SLC9A7: variants seen among roughly 807,000 people sequenced by gnomAD.
The protein encoded by SLC9A7 is sodium/hydrogen exchanger 7.
Under a neutral mutation model 52.6 loss-of-function variants are expected in SLC9A7, and 19 were observed. That is an observed-to-expected ratio of 0.36 (90% CI 0.25 to 0.53). The LOEUF (loss-of-function observed/expected upper bound fraction) is 0.53. Among genes scored for constraint, SLC9A7 ranks in the 20% least tolerant of loss-of-function variants. The pLI, the probability that SLC9A7 is intolerant of heterozygous loss-of-function variation, is 0.91. For missense variants in SLC9A7, 455 were observed against 597.9 expected (o/e 0.76, Z 2.49); for synonymous variants, 226 against 252.1 (o/e 0.90, Z 0.98).
chrX:46,601,418 A>C lies in SLC9A7; in HGVS notation c.*5534T>G, dbSNP rs1434153645. On this transcript the variant is annotated 3_prime_UTR_variant, in exon 17 of 17. Transcript: ENST00000616978. ...TGATGGGATGACGTCAAACAGACCA[A>C]CAGACCTCTATTTTGGAAGGAACTG... 1 of 112,641 alleles carries C rather than the reference A, an allele frequency of 8.9e-6. No homozygotes were observed. The allele number at this position is 112,641 out of a possible 1,213,427, so 9.3% of individuals were successfully genotyped here.
chrX:46,660,975 T>C (rs1943807012), intron 7 of SLC9A7, among the ~76,000 whole-genome samples: 1 of 109,562 alleles, frequency 9.1e-6, no homozygotes. Context: ...CCAACCCAAA[T>C]GTCCAACAAT....
chrX:46,758,980 G>A lies in SLC9A7; in HGVS notation c.50C>T (p.Ala17Val), dbSNP rs1216394659. Residue 17 changes from alanine (A) to valine (V), a missense_variant, in exon 1 of 17, where the codon GCG (alanine) becomes GTG (valine). By Grantham distance (64) the Ala-to-Val change is moderately conservative (BLOSUM62 0). Around this residue, in one of 3 missense-constraint regions of SLC9A7, gnomAD observed 304 missense variants for 417.8 expected, o/e 0.73. Transcript: ENST00000616978. ...CAGCAGCAGCAGCCGCGGCGGCGGC[G>A]CCCCGGTAGCCCGACCCGAGCCAGG... ...ARPGSGRATGAPPPRLLLLPL... is the reference protein window; with the variant it reads ...ARPGSGRATGVPPPRLLLLPL... 2.0e-6 allele frequency: 2 copies of A among 1,021,405 alleles called. No homozygotes were observed. Among genetic ancestry groups the A allele is most frequent in the African/African-American group, 2.0e-5 (1 of 49,564 alleles). 84.2% of individuals were successfully genotyped at this position (1,021,405 alleles called of 1,213,427 possible). A position where few individuals can be genotyped will look rare whatever the true frequency, so the allele number is the denominator to read the frequency against.
intron 1 of SLC9A7, among the ~76,000 whole-genome samples, chrX:46,699,044 C>T (rs377345796): frequency 6.3e-5 from 7 of 111,878 alleles, no homozygotes; most frequent in African/African-American, 2.3e-4. Context: ...AAATTCAAGC[C>T]CATCAGCCAA....
At chrX:46,647,490 C>T (rs1180774804) in intron 11 of SLC9A7, among the ~76,000 whole-genome samples, 2 of 112,902 alleles carry the variant, frequency 1.8e-5, no homozygotes, top group African/African-American at 6.4e-5. Flanking sequence ...AGCTAAAAGG[C>T]CACTCCCTTT....
intron 1 of SLC9A7, among the ~76,000 whole-genome samples, chrX:46,721,513 C>CT (rs1230179116): frequency 2.4e-3 from 256 of 107,045 alleles, no homozygotes; most frequent in Middle Eastern, 9.7e-3. Context: ...GCAAATGATT[C>CT]TTTTTTTTTT....
chrX:46,605,290 G>C lies in SLC9A7; in HGVS notation c.*1662C>G, dbSNP rs1001198430. On this transcript the variant is annotated 3_prime_UTR_variant, in exon 17 of 17. Coordinates refer to ENST00000616978, the MANE Select transcript of SLC9A7 (RefSeq NM_001257291.2). Reference sequence around the variant, plus strand: ...TTGCCAAAAATAAGCTAGCACTGAAGCACAGAGACATTAAGAGAAACTCAA... The same window carrying C: ...TTGCCAAAAATAAGCTAGCACTGAACCACAGAGACATTAAGAGAAACTCAA... 1.8e-5 allele frequency: 2 copies of C among 111,098 alleles called. No individual in the cohort carries two copies. The highest frequency in any genetic ancestry group is 6.6e-5 in the African/African-American group (2 of 30,495). The allele number at this position is 111,098 out of a possible 1,213,427, so 9.2% of individuals were successfully genotyped here.
chrX:46,614,161 T>C (rs768166329), intron 15 of SLC9A7, among the ~76,000 whole-genome samples: 1 of 111,683 alleles, frequency 9.0e-6, no homozygotes, highest in Admixed American at 9.5e-5. Flanking sequence ...GCCCCTCGAC[T>C]TATGATGCAG....
In SLC9A7 at chrX:46,651,422, C is replaced by CA. The variant is rs760481790; in HGVS notation, c.1148-19dup. 4.9e-4 allele frequency: 545 copies of CA among 1,117,245 alleles called. No individual in the cohort carries two copies. Among genetic ancestry groups the CA allele is most frequent in the Non-Finnish European group, 6.2e-4 (515 of 827,603 alleles). 92.1% of individuals were successfully genotyped at this position (1,117,245 alleles called of 1,213,427 possible). A position where few individuals can be genotyped will look rare whatever the true frequency, so the allele number is the denominator to read the frequency against. On this transcript the variant is annotated intron_variant, in intron 8 of 16. Coordinates refer to ENST00000616978, the MANE Select transcript of SLC9A7 (RefSeq NM_001257291.2). ...TACAACACCTGTTAAAACATCCCCC[C>CA]AAAAAAAATCAATGGAAAAAAAAGA...
chrX:46,620,418 C>T (rs1943026139), intron 15 of SLC9A7, among the ~76,000 whole-genome samples: 1 of 110,409 alleles, frequency 9.1e-6, no homozygotes, highest in African/African-American at 3.3e-5. Flanking sequence ...GACCTCATCT[C>T]AAAAACAAAA....
chrX:46,717,757 A>C (rs12396863), intron 1 of SLC9A7, among the ~76,000 whole-genome samples: 2,178 of 111,309 alleles, frequency 0.02, 50 homozygotes, highest in African/African-American at 0.067. Flanking sequence ...AAGACCTCTT[A>C]AAGGAGAACT....
intron 12 of SLC9A7, among the ~76,000 whole-genome samples, chrX:46,639,888 C>T (rs371713700): frequency 7.8e-4 from 85 of 109,283 alleles, no homozygotes; most frequent in African/African-American, 2.6e-3. Flanking sequence ...ACTAACAAAA[C>T]ATGTACAGGA....
intron 1 of SLC9A7, among the ~76,000 whole-genome samples, chrX:46,712,517 A>G (rs924824773): frequency 9.0e-6 from 1 of 111,553 alleles, no homozygotes; most frequent in African/African-American, 3.3e-5. Flanking sequence ...AACACCTCCA[A>G]CCAGGCCCAC....
rs757430988 is a variant in SLC9A7 at position 46,720,138 on chromosome X, C to T, written c.326-37603G>A. Among the ~76,000 whole-genome samples, 3 of 111,596 alleles carry T rather than the reference C, an allele frequency of 2.7e-5. No homozygotes were observed. The South Asian group carries it at 1.1e-3, about 42-fold the overall frequency. ...TCCAGGTATGTTGGTTGTAATGATA[C>T]TTGTTATGAAAAAGAAATCAAAGAT... is the stretch of plus-strand genomic sequence containing the variant. On this transcript the variant is annotated intron_variant, in intron 1 of 16. Transcript: ENST00000616978.
intron 7 of SLC9A7, among the ~76,000 whole-genome samples, chrX:46,659,309 G>T (rs1215979731): frequency 5.9e-5 from 6 of 101,807 alleles, no homozygotes; most frequent in Non-Finnish European, 1.2e-4. Context: ...TTGAAAACTG[G>T]CACAAGACAG....
At chrX:46,622,728 G>C (rs186720573) in intron 14 of SLC9A7, among the ~76,000 whole-genome samples, 110 of 111,744 alleles carry the variant, frequency 9.8e-4, no homozygotes, top group Middle Eastern at 4.6e-3. Flanking sequence ...AACCCCGGAA[G>C]TTAAAAGTTA....
At chrX:46,678,891 T>C (rs1170782487) in intron 3 of SLC9A7, among the ~76,000 whole-genome samples, 1 of 111,548 alleles carries the variant, frequency 9.0e-6, no homozygotes, top group East Asian at 2.8e-4. Flanking sequence ...TAGCATTATA[T>C]GTATTATGTG....
At chrX:46,662,988 C>A (rs1943849932) in intron 5 of SLC9A7, among the ~76,000 whole-genome samples, 1 of 112,485 alleles carries the variant, frequency 8.9e-6, no homozygotes, top group Non-Finnish European at 1.9e-5. Context: ...TCTTTGATTT[C>A]TCTGGCTCAA....
At chrX:46,750,832 T>C in intron 1 of SLC9A7, among the ~76,000 whole-genome samples, 1 of 112,684 alleles carries the variant, frequency 8.9e-6, no homozygotes, top group South Asian at 3.7e-4. Context: ...TTATTCATAA[T>C]TGCCCAAACT....
chrX:46,707,253 A>G (rs1944618374), intron 1 of SLC9A7, among the ~76,000 whole-genome samples: 1 of 112,383 alleles, frequency 8.9e-6, no homozygotes, highest in Admixed American at 9.4e-5. Context: ...TTGTGTTTAT[A>G]AGGTAATGAG....
Sources: gnomAD v4.1 joint callset for allele counts (sites outside exome capture counted in the v4.1 genomes callset) on GRCh38, gnomAD v4.1.1 for gene constraint, gnomAD v4.1.1 regional missense constraint, MANE v1.5 for transcripts, NCBI Gene and HGNC (gene_info 2026-07-23, HGNC 2026-07-21) for gene names.